NECAB1: variants seen among roughly 807,000 people sequenced by gnomAD.
NECAB1 encodes the protein N-terminal EF-hand calcium binding protein 1, also known as N-terminal EF-hand calcium-binding protein 1.
NECAB1 carries 29 observed loss-of-function variants against 57.5 expected under a neutral mutation model. The ratio of observed to expected loss-of-function variants is 0.50; its 90% CI spans 0.38 to 0.69. NECAB1 has a LOEUF of 0.69. Ranked by LOEUF, NECAB1 falls within the 30% of genes least tolerant of loss-of-function variation. The pLI is 0.00. For synonymous variants in NECAB1, 142 were observed against 147.7 expected (o/e 0.96, Z 0.28); for missense variants, 372 against 413.8 (o/e 0.90, Z 0.88).
Position 90,791,885 on chromosome 8 carries a change from G to A in NECAB1, c.-2G>A, listed in dbSNP as rs368225737. On this transcript the variant is annotated 5_prime_UTR_variant, in exon 1 of 13. Transcript: ENST00000417640. ...CGCCTGAGGCCGTCAGGGCTCCCGA[G>A]GATGGAAGATTCCCAGGAGACATCG... The A allele has an allele frequency of 1.3e-4, 202 of 1,550,412 alleles. No individual in the cohort carries two copies. The African/African-American group carries it at 2.5e-3, about 19-fold the overall frequency.
At chr8:90,944,054 T>C (rs1282262658) in intron 10 of NECAB1, among the ~76,000 whole-genome samples, 1 of 152,180 alleles carries the variant, frequency 6.6e-6, no homozygotes, top group Non-Finnish European at 1.5e-5. Flanking sequence ...GCCTATCCTC[T>C]TGTCTTCACA....
At chr8:90,895,917 A>G (rs1809317671) in intron 5 of NECAB1, among the ~76,000 whole-genome samples, 1 of 152,260 alleles carries the variant, frequency 6.6e-6, no homozygotes, top group Admixed American at 6.5e-5. Context: ...TCAGAGGCAC[A>G]ATTAAAGCTC....
chr8:90,796,776 T>C (rs947399171), intron 1 of NECAB1, among the ~76,000 whole-genome samples: 27 of 152,212 alleles, frequency 1.8e-4, no homozygotes, highest in African/African-American at 6.0e-4. Flanking sequence ...GAGTACATTT[T>C]TTATTAGTCT....
chr8:90,886,825 T>C (rs1809006934), intron 5 of NECAB1, among the ~76,000 whole-genome samples: 2 of 152,176 alleles, frequency 1.3e-5, no homozygotes, highest in Non-Finnish European at 2.9e-5. Flanking sequence ...AGAATTGTCA[T>C]CTTGGTAATA....
At chr8:90,906,891 A>ATATATATATATATATATATG (rs1809682308) in intron 5 of NECAB1, among the ~76,000 whole-genome samples, 2 of 113,414 alleles carry the variant, frequency 1.8e-5, no homozygotes, top group African/African-American at 8.0e-5. Context: ...ATATATATAT[A>ATATATATATATATATATATG]TATATATATA....
At chr8:90,854,249 T>A (rs1812749250) in intron 3 of NECAB1, among the ~76,000 whole-genome samples, 1 of 152,204 alleles carries the variant, frequency 6.6e-6, no homozygotes, top group Admixed American at 6.5e-5. Flanking sequence ...ATGAGGAATC[T>A]TGGTGTTGAT....
intron 3 of NECAB1, among the ~76,000 whole-genome samples, chr8:90,849,003 AAC>A (rs1204511009): frequency 1.1e-4 from 16 of 152,238 alleles, no homozygotes; most frequent in African/African-American, 3.9e-4. Flanking sequence ...CTACCACAAG[AAC>A]AGCACACAAA....
chr8:90,799,528 C>G (rs1398887371), intron 1 of NECAB1, among the ~76,000 whole-genome samples: 2 of 152,146 alleles, frequency 1.3e-5, no homozygotes, highest in Non-Finnish European at 2.9e-5. Context: ...CTGCATATGA[C>G]CTACTAGCTA....
At position 90,862,153 on chromosome 8, in the gene NECAB1, A is replaced by G. The variant is rs182726008; in HGVS notation, c.234-9975A>G. ...AATGAAGCAATACTCTATATGGATA[A>G]AGACAGATGTCTGAGATATGTTTTC... is the stretch of plus-strand genomic sequence containing the variant. On this transcript the variant is annotated intron_variant, in intron 3 of 12. Transcript: ENST00000417640. 6.5e-3 allele frequency among the ~76,000 whole-genome samples: 996 copies of G among 152,304 alleles called. 4 individuals are homozygous for G. Among genetic ancestry groups the G allele is most frequent in the Non-Finnish European group, 0.011 (729 of 68,012 alleles).
intron 10 of NECAB1, among the ~76,000 whole-genome samples, chr8:90,949,145 T>TG (rs1491151144): frequency 1.8e-5 from 2 of 113,302 alleles, no homozygotes; most frequent in Admixed American, 1.0e-4. Flanking sequence ...CAACAGGCAC[T>TG]TTGTGTGTGT....
At chr8:90,799,264 A>G (rs1436756878) in intron 1 of NECAB1, among the ~76,000 whole-genome samples, 1 of 151,998 alleles carries the variant, frequency 6.6e-6, no homozygotes, top group African/African-American at 2.4e-5. Context: ...TACTCTGTTG[A>G]TAGTTCATTT....
At position 90,915,822 on chromosome 8, in the gene NECAB1, T is replaced by A. The variant is rs1158691945; in HGVS notation, c.358-1670T>A. ...GCCCCTGGCAAACTACTGGTGTAAG[T>A]CCAAGAGTCCAAAAGCCAAAGAACT... On this transcript the variant is annotated intron_variant, in intron 5 of 12. Coordinates refer to ENST00000417640, the MANE Select transcript of NECAB1 (RefSeq NM_022351.5). Among the ~76,000 whole-genome samples the A allele has an allele frequency of 2.6e-5, 4 of 152,140 alleles. No individual in the cohort carries two copies. In the South Asian group the frequency reaches 8.3e-4, roughly 32 times the overall value.
intron 2 of NECAB1, chr8:90,806,589 C>T (rs1476992974): frequency 6.6e-6 from 1 of 152,198 alleles, no homozygotes; most frequent in African/African-American, 2.4e-5. Context: ...ATCATTATGA[C>T]AAGCCAACAG....
intron 10 of NECAB1, among the ~76,000 whole-genome samples, chr8:90,942,076 C>A (rs1344732672): frequency 6.6e-6 from 1 of 152,136 alleles, no homozygotes; most frequent in Non-Finnish European, 1.5e-5. Context: ...ATATTTTATT[C>A]ATACCCCAGC....
intron 6 of NECAB1, among the ~76,000 whole-genome samples, chr8:90,919,116 C>A (rs1810045107): frequency 6.6e-6 from 1 of 152,100 alleles, no homozygotes; most frequent in African/African-American, 2.4e-5. Flanking sequence ...GGCACTAATG[C>A]TTAAGAGACA....
chr8:90,818,902 G>A (rs1812100125), intron 2 of NECAB1, among the ~76,000 whole-genome samples: 1 of 151,854 alleles, frequency 6.6e-6, no homozygotes, highest in South Asian at 2.1e-4. Flanking sequence ...AGAGTTCTTG[G>A]ATTTTTTTAA....
At position 90,877,824 on chromosome 8, in the gene NECAB1, T is replaced by A. The variant is rs543427665; in HGVS notation, c.260-3209T>A. On this transcript the variant is annotated intron_variant, in intron 4 of 12. Coordinates refer to ENST00000417640, the MANE Select transcript of NECAB1 (RefSeq NM_022351.5). ...TTTTAGGATTTGTTTCCTTGCTGCC[T>A]CCCATTCTCAAATATGTTCCAGCCC... 5.3e-5 allele frequency among the ~76,000 whole-genome samples: 8 copies of A among 152,290 alleles called. No homozygotes were observed. In the East Asian group the frequency reaches 1.5e-3, roughly 29 times the overall value.
intron 3 of NECAB1, among the ~76,000 whole-genome samples, chr8:90,832,056 A>G (rs1206934376): frequency 6.6e-6 from 1 of 152,140 alleles, no homozygotes; most frequent in Non-Finnish European, 1.5e-5. Flanking sequence ...TGGATATTAG[A>G]ACTAACCTGT....
At chr8:90,856,297 G>A (rs934913977) in intron 3 of NECAB1, among the ~76,000 whole-genome samples, 1 of 152,032 alleles carries the variant, frequency 6.6e-6, no homozygotes, top group Non-Finnish European at 1.5e-5. Context: ...ATAGGTACCA[G>A]AATGCATAGA....
Sources: gnomAD v4.1 joint callset for allele counts (sites outside exome capture counted in the v4.1 genomes callset) on GRCh38, gnomAD v4.1.1 for gene constraint, MANE v1.5 for transcripts, NCBI Gene and HGNC (gene_info 2026-07-23, HGNC 2026-07-21) for gene names.